The following EXT1 variants were observed in gnomAD, a reference collection of about 807,000 sequenced individuals.
EXT1 encodes exostosin-1.
Under a neutral mutation model 82.5 loss-of-function variants are expected in EXT1, and 20 were observed. That is an observed-to-expected ratio of 0.24 (90% CI 0.17 to 0.35). The LOEUF (loss-of-function observed/expected upper bound fraction) is 0.35, where lower values mean the gene tolerates loss of function less well. EXT1 is among the 10% of genes least tolerant of loss of function. EXT1 has a pLI of 1.00. For synonymous variants in EXT1, 348 were observed against 350.8 expected (o/e 0.99, Z 0.09); for missense variants, 757 against 936.5 (o/e 0.81, Z 2.50).
At chr8:117,871,945 C>A (rs1156848661) in intron 1 of EXT1, among the ~76,000 whole-genome samples, 1 of 151,914 alleles carries the variant, frequency 6.6e-6, no homozygotes, top group African/African-American at 2.4e-5. Context: ...GGCAACATAG[C>A]GAGACCTTGT....
intron 1 of EXT1, among the ~76,000 whole-genome samples, chr8:118,062,236 CT>C (rs1816894716): frequency 6.6e-6 from 1 of 152,190 alleles, no homozygotes; most frequent in African/African-American, 2.4e-5. Context: ...GTCTGCTAAA[CT>C]ACATGGACAG....
At chr8:118,091,425 T>C (rs373032408) in intron 1 of EXT1, among the ~76,000 whole-genome samples, 5 of 152,158 alleles carry the variant, frequency 3.3e-5, no homozygotes, top group Admixed American at 2.0e-4. Context: ...TATTCAACAG[T>C]CTCTGTGTTA....
chr8:118,079,510 G>A (rs1243175020), intron 1 of EXT1, among the ~76,000 whole-genome samples: 2 of 152,182 alleles, frequency 1.3e-5, no homozygotes, highest in African/African-American at 2.4e-5. Context: ...CAATCCTAAG[G>A]CCAGAGTGGC....
intron 1 of EXT1, among the ~76,000 whole-genome samples, chr8:118,106,625 G>A (rs558655804): frequency 1.3e-5 from 2 of 152,326 alleles, no homozygotes; most frequent in African/African-American, 4.8e-5. Flanking sequence ...GTCAAAGATA[G>A]AAGCCACCTC....
chr8:118,070,273 T>TGTGTGTGTGC (rs1817067530), intron 1 of EXT1, among the ~76,000 whole-genome samples: 1 of 138,088 alleles, frequency 7.2e-6, no homozygotes, highest in Non-Finnish European at 1.6e-5. Flanking sequence ...TGTGTGTGTG[T>TGTGTGTGTGC]GTGCATATCA....
In EXT1 at chr8:117,821,504, T is replaced by C. The variant is rs12056695; in HGVS notation, c.1417+961A>G. On this transcript the variant is annotated intron_variant, in intron 5 of 10. Transcript: ENST00000378204. ...TTAATCTGACAATTTCTAAATTCTG[T>C]TACCCAAATGTCAACAATATACTGA... 1.9e-3 allele frequency among the ~76,000 whole-genome samples: 296 copies of C among 152,354 alleles called. 12 individuals carry two copies. The East Asian group carries it at 0.054, about 28-fold the overall frequency.
intron 1 of EXT1, among the ~76,000 whole-genome samples, chr8:117,848,070 C>T (rs932673657): frequency 1.2e-4 from 19 of 152,138 alleles, no homozygotes; most frequent in African/African-American, 4.6e-4. Flanking sequence ...TCTGTGTAGG[C>T]TGATATAGCA....
intron 1 of EXT1, among the ~76,000 whole-genome samples, chr8:117,846,321 T>C (rs866577705): frequency 1.3e-5 from 2 of 152,182 alleles, no homozygotes; most frequent in African/African-American, 4.8e-5. Context: ...TTGGTCAGGC[T>C]GGTCTTGAAC....
chr8:117,997,631 C>T (rs1195454343), intron 1 of EXT1, among the ~76,000 whole-genome samples: 1 of 151,746 alleles, frequency 6.6e-6, no homozygotes, highest in East Asian at 1.9e-4. Flanking sequence ...AGAAAGAGAT[C>T]AAGAAAGATA....
chr8:117,940,109 C>T lies in EXT1; in HGVS notation c.963-102908G>A, dbSNP rs533619570. 5.3e-5 allele frequency among the ~76,000 whole-genome samples: 8 copies of T among 152,312 alleles called. No homozygotes were observed. The South Asian group carries it at 1.7e-3, about 32-fold the overall frequency. On this transcript the variant is annotated intron_variant, in intron 1 of 10. Coordinates refer to ENST00000378204, the MANE Select transcript of EXT1 (RefSeq NM_000127.3). Reference sequence around the variant, plus strand: ...AAGTCATGGCATTCAATAGCACAGGCCAAGATTTACCAACTGTCAGATTCT... The same window carrying T: ...AAGTCATGGCATTCAATAGCACAGGTCAAGATTTACCAACTGTCAGATTCT...
intron 1 of EXT1, among the ~76,000 whole-genome samples, chr8:118,016,628 C>G (rs1343885685): frequency 6.6e-6 from 1 of 152,200 alleles, no homozygotes; most frequent in African/African-American, 2.4e-5. Context: ...TTTGTCCCGG[C>G]TGCAGTAAAG....
At chr8:117,838,679 C>T (rs1812224955) in intron 1 of EXT1, among the ~76,000 whole-genome samples, 1 of 152,054 alleles carries the variant, frequency 6.6e-6, no homozygotes, top group Admixed American at 6.6e-5. Flanking sequence ...ATTTCTTCAT[C>T]CTCACCAAAC....
chr8:117,949,917 C>T (rs1185533118), intron 1 of EXT1, among the ~76,000 whole-genome samples: 1 of 152,118 alleles, frequency 6.6e-6, no homozygotes, highest in Non-Finnish European at 1.5e-5. Context: ...GGCATCCAAA[C>T]ATTCTTCTAA....
chr8:117,875,690 G>A (rs1034904152), intron 1 of EXT1, among the ~76,000 whole-genome samples: 6 of 151,994 alleles, frequency 3.9e-5, no homozygotes, highest in East Asian at 1.9e-4. Flanking sequence ...AAAATTATCC[G>A]TTGCCAAGTA....
intron 1 of EXT1, among the ~76,000 whole-genome samples, chr8:118,090,123 T>TA (rs752103264): frequency 5.3e-5 from 8 of 151,920 alleles, no homozygotes; most frequent in South Asian, 2.1e-4. Flanking sequence ...CAAAAACCTG[T>TA]AAAAAAGAGC....
chr8:117,937,387 T>A (rs1235455807), intron 1 of EXT1, among the ~76,000 whole-genome samples: 2 of 152,184 alleles, frequency 1.3e-5, no homozygotes, highest in Non-Finnish European at 2.9e-5. Context: ...AATCAAATCA[T>A]TAAAATGTCA....
intron 1 of EXT1, among the ~76,000 whole-genome samples, chr8:117,854,718 A>T (rs965229069): frequency 6.6e-6 from 1 of 152,216 alleles, no homozygotes; most frequent in Non-Finnish European, 1.5e-5. Context: ...TTGCGTCCTA[A>T]GTGTCACAAT....
chr8:117,803,249 C>T (rs1823192417), intron 10 of EXT1, among the ~76,000 whole-genome samples: 2 of 151,874 alleles, frequency 1.3e-5, no homozygotes, highest in South Asian at 4.2e-4. Flanking sequence ...GCCTGAAGTG[C>T]AGTGGCATGA....
At chr8:117,968,726 C>T (rs1441355073) in intron 1 of EXT1, among the ~76,000 whole-genome samples, 1 of 104,994 alleles carries the variant, frequency 9.5e-6, no homozygotes, top group Non-Finnish European at 1.7e-5. Context: ...CCCACCACGA[C>T]GCCCGGCTAA....
Sources: gnomAD v4.1 joint callset for allele counts (sites outside exome capture counted in the v4.1 genomes callset) on GRCh38, gnomAD v4.1.1 for gene constraint, MANE v1.5 for transcripts, NCBI Gene and HGNC (gene_info 2026-07-23, HGNC 2026-07-21) for gene names.